The following HLCS variants were observed in gnomAD, a reference collection of about 807,000 sequenced individuals.
HLCS encodes the protein biotin--protein ligase.
A neutral mutation model predicts 75.0 loss-of-function variants in HLCS; 53 were observed. That is an observed-to-expected ratio of 0.71 (90% CI 0.57 to 0.89). HLCS has a LOEUF of 0.89. Among genes scored for constraint, HLCS ranks in the 40% least tolerant of loss-of-function variants. HLCS has a pLI of 0.00. For missense variants in HLCS, 966 were observed against 1,074.0 expected, an observed-to-expected ratio of 0.90 and a Z score of 1.41; for synonymous variants, 431 against 428.6, an observed-to-expected ratio of 1.01 and a Z score of -0.07.
Position 36,897,148 on chromosome 21 carries a change from GAAAT to G in HLCS, c.1621-21_1621-18del. 1 of 1,613,678 alleles carries G rather than the reference GAAAT, an allele frequency of 6.2e-7. No individual in the cohort carries two copies. The highest frequency in any genetic ancestry group is 8.5e-7 in the Non-Finnish European group (1 of 1,179,952). ...CCTGATTTCCTGTGTCATAAAGAAA[GAAAT>G]GAGATGGTCGTAATTTGGCATTACA... is the stretch of plus-strand genomic sequence containing the variant. On this transcript the variant is annotated intron_variant, in intron 5 of 10. Transcript: ENST00000674895.
chr21:36,857,584 C>T (rs1256355953), intron 6 of HLCS, among the ~76,000 whole-genome samples: 1 of 152,080 alleles, frequency 6.6e-6, no homozygotes, highest in Non-Finnish European at 1.5e-5. Flanking sequence ...CACATCGATC[C>T]TCCTTTGTTC....
chr21:36,935,482 C>T lies in HLCS; in HGVS notation c.1437+967G>A, dbSNP rs374884892. Among the ~76,000 whole-genome samples the T allele has an allele frequency of 2.1e-4, 32 of 152,134 alleles. No homozygotes were observed. In the East Asian group the frequency reaches 4.6e-3, roughly 22 times the overall value. The stretch of plus-strand genomic sequence containing the variant: ...AGAACTGGAAAAAGACAAGGCATTA[C>T]AAAATGAAAACAAAACAAAAAAGGA... On this transcript the variant is annotated intron_variant, in intron 4 of 10. Transcript: ENST00000674895.
intron 2 of HLCS, chr21:36,947,479 G>C: frequency 2.0e-6 from 2 of 985,394 alleles, no homozygotes; most frequent in African/African-American, 3.5e-5. Context: ...GTGGATAAAG[G>C]CAAACAGGAC....
chr21:36,766,445 A>G (rs1425914759), intron 7 of HLCS, among the ~76,000 whole-genome samples: 1 of 152,218 alleles, frequency 6.6e-6, no homozygotes, highest in African/African-American at 2.4e-5. Context: ...TGAGATCCAT[A>G]GCTTTTGACA....
At chr21:36,885,508 A>C (rs1382097972) in intron 6 of HLCS, among the ~76,000 whole-genome samples, 1 of 135,470 alleles carries the variant, frequency 7.4e-6, no homozygotes, top group Non-Finnish European at 1.6e-5. Flanking sequence ...ATCCTGTCTC[A>C]AAAAAAAAAA....
At chr21:36,804,098 A>G (rs1417160690) in intron 6 of HLCS, 1 of 152,480 alleles carries the variant, frequency 6.6e-6, no homozygotes, top group Non-Finnish European at 1.5e-5. Flanking sequence ...AAGCATTTCA[A>G]CCTTAAATGA....
At chr21:36,970,675 A>G (rs556766026), upstream of HLCS, among the ~76,000 whole-genome samples, 9 of 151,798 alleles carry the variant, frequency 5.9e-5, no homozygotes, top group East Asian at 1.6e-3. Context: ...AGCCTGGGAT[A>G]CTTTCTAAGA....
chr21:36,871,488 C>A (rs1601581033), intron 6 of HLCS, among the ~76,000 whole-genome samples: 1 of 152,020 alleles, frequency 6.6e-6, no homozygotes, highest in Admixed American at 6.5e-5. Context: ...ACAGACGGCC[C>A]TTTATCAGGC....
chr21:36,988,598 T>C (rs1437233896), intron 1 of HLCS, among the ~76,000 whole-genome samples: 2 of 152,190 alleles, frequency 1.3e-5, no homozygotes, highest in African/African-American at 4.8e-5. Context: ...GGTCAAGGGG[T>C]AAATGCATAT....
intron 6 of HLCS, among the ~76,000 whole-genome samples, chr21:36,802,509 T>A (rs1332061721): frequency 2.0e-5 from 3 of 152,188 alleles, no homozygotes; most frequent in Non-Finnish European, 4.4e-5. Flanking sequence ...ATTCAGAAAA[T>A]TTAGTCAATA....
intron 6 of HLCS, among the ~76,000 whole-genome samples, chr21:36,823,590 T>G (rs896403805): frequency 1.6e-4 from 22 of 140,666 alleles, no homozygotes; most frequent in African/African-American, 6.0e-4. Flanking sequence ...ACAGCCCATT[T>G]ACCAGCTTCA....
chr21:36,778,904 G>T (rs1359180407), intron 6 of HLCS, among the ~76,000 whole-genome samples: 1 of 152,116 alleles, frequency 6.6e-6, no homozygotes, highest in Non-Finnish European at 1.5e-5. Flanking sequence ...AGGCATAAGA[G>T]GTTCTAGGCT....
chr21:36,869,460 C>A (rs1335175188), intron 6 of HLCS, among the ~76,000 whole-genome samples: 1 of 152,154 alleles, frequency 6.6e-6, no homozygotes, highest in Non-Finnish European at 1.5e-5. Flanking sequence ...AGATGAGTTT[C>A]TTTCCCCATC....
At chr21:36,905,291 CAGAT>C (rs1164916716) in intron 5 of HLCS, among the ~76,000 whole-genome samples, 3 of 152,038 alleles carry the variant, frequency 2.0e-5, no homozygotes, top group Admixed American at 6.6e-5. Context: ...CTCCAAATAA[CAGAT>C]AGATAGGTAA....
At chr21:36,868,191 G>A (rs1437730662) in intron 6 of HLCS, among the ~76,000 whole-genome samples, 2 of 148,678 alleles carry the variant, frequency 1.3e-5, no homozygotes, top group Non-Finnish European at 3.0e-5. Flanking sequence ...AGGGGAAAAA[G>A]GAAGGGAAAA....
intron 5 of HLCS, among the ~76,000 whole-genome samples, chr21:36,924,230 A>G (rs532423946): frequency 3.3e-4 from 50 of 152,238 alleles, no homozygotes; most frequent in African/African-American, 1.2e-3. Context: ...GCAGGCAAAG[A>G]TTTTTTTTAG....
intron 6 of HLCS, among the ~76,000 whole-genome samples, chr21:36,861,667 C>T (rs375541716): frequency 6.6e-6 from 1 of 152,078 alleles, no homozygotes; most frequent in African/African-American, 2.4e-5. Context: ...TTACTGTGTT[C>T]GTTTGCTTAT....
At chr21:36,843,459 A>G (rs1391607633) in intron 6 of HLCS, among the ~76,000 whole-genome samples, 2 of 76,024 alleles carry the variant, frequency 2.6e-5, no homozygotes, top group African/African-American at 1.0e-4. Context: ...CCACCCCCGA[A>G]AAAAGAAACA....
At chr21:36,835,169 A>C (rs944645623) in intron 6 of HLCS, among the ~76,000 whole-genome samples, 1 of 152,216 alleles carries the variant, frequency 6.6e-6, no homozygotes, top group Non-Finnish European at 1.5e-5. Context: ...GGGGATTCCA[A>C]GACGTCTGAT....
Sources: allele counts gnomAD v4.1 joint callset (sites outside exome capture counted in the v4.1 genomes callset), GRCh38; gene constraint gnomAD v4.1.1; transcripts MANE v1.5; gene names NCBI Gene and HGNC (gene_info 2026-07-23, HGNC 2026-07-21).